Variants in DEPDC5 observed in about 807,000 individuals in gnomAD.
DEPDC5 encodes DEP domain containing 5, GATOR1 subcomplex subunit.
DEPDC5 carries 73 observed loss-of-function variants against 217.3 expected under a neutral mutation model. That is an observed-to-expected ratio of 0.34 (90% CI 0.28 to 0.41). DEPDC5 has a LOEUF of 0.41. DEPDC5 is among the 10% of genes least tolerant of loss of function. DEPDC5 has a pLI of 1.00. For synonymous variants in DEPDC5, 733 were observed against 756.7 expected (o/e 0.97, Z 0.51); for missense variants, 1,675 against 2,070.1 (o/e 0.81, Z 3.70).
At chr22:31,864,526 T>TATATATATATATATATATATATATATA (rs1335760559) in intron 33 of DEPDC5, among the ~76,000 whole-genome samples, 17 of 117,816 alleles carry the variant, frequency 1.4e-4, no homozygotes, top group Non-Finnish European at 2.4e-4. Context: ...ATATATATAT[T>TATATATATATATATATATATATATATA]TATATATTTA....
intron 33 of DEPDC5, among the ~76,000 whole-genome samples, chr22:31,863,317 C>T (rs1463905725): frequency 6.6e-6 from 1 of 152,186 alleles, no homozygotes; most frequent in African/African-American, 2.4e-5. Context: ...CAGGTGTGCA[C>T]CACAACGCCC....
chr22:31,779,453 T>G (rs1369126400), intron 8 of DEPDC5, among the ~76,000 whole-genome samples: 1 of 152,102 alleles, frequency 6.6e-6, no homozygotes, highest in East Asian at 1.9e-4. Flanking sequence ...TTTTCAGAAG[T>G]CAGTGTGGTG....
chr22:31,887,764 G>A (rs1045397674), intron 38 of DEPDC5, among the ~76,000 whole-genome samples: 1 of 152,100 alleles, frequency 6.6e-6, no homozygotes, highest in African/African-American at 2.4e-5. Flanking sequence ...TCCAATAACA[G>A]CTCTCAGCCC....
intron 34 of DEPDC5, among the ~76,000 whole-genome samples, chr22:31,871,131 C>T (rs1039603495): frequency 3.3e-5 from 5 of 152,088 alleles, no homozygotes; most frequent in African/African-American, 1.2e-4. Flanking sequence ...TGTGGCCAAA[C>T]ATGACTGTTC....
chr22:31,759,935 G>A (rs1667181434), intron 3 of DEPDC5, among the ~76,000 whole-genome samples: 1 of 151,974 alleles, frequency 6.6e-6, no homozygotes, highest in Non-Finnish European at 1.5e-5. Context: ...CACCTGCCTT[G>A]GCCTCCCAAA....
intron 40 of DEPDC5, among the ~76,000 whole-genome samples, chr22:31,900,064 T>G (rs147740871): frequency 0.014 from 2,178 of 152,258 alleles, 19 homozygotes; most frequent in Middle Eastern, 0.031. Context: ...TTAGTTTTTT[T>G]GAGATGGAGT....
chr22:31,867,380 G>T (rs2092716805), intron 33 of DEPDC5, among the ~76,000 whole-genome samples: 1 of 152,180 alleles, frequency 6.6e-6, no homozygotes. Flanking sequence ...GGTAGCCAAA[G>T]AAAAGTGGGA....
chr22:31,827,211 G>A (rs181249416), intron 24 of DEPDC5, among the ~76,000 whole-genome samples: 2 of 152,072 alleles, frequency 1.3e-5, no homozygotes, highest in Admixed American at 1.3e-4. Context: ...TTTCAAAGGG[G>A]TTAGTGGCCA....
chr22:31,825,502 A>G (rs983773369), intron 24 of DEPDC5, among the ~76,000 whole-genome samples: 7 of 152,164 alleles, frequency 4.6e-5, no homozygotes, highest in African/African-American at 1.7e-4. Context: ...CTCTCTGCTC[A>G]GATGGCCCCC....
At chr22:31,855,284 T>C (rs2092237015) in intron 31 of DEPDC5, among the ~76,000 whole-genome samples, 6 of 151,650 alleles carry the variant, frequency 4.0e-5, no homozygotes, top group Admixed American at 3.9e-4. Context: ...TTTGAGACAA[T>C]TGAGGAAATA....
chr22:31,853,249 C>G (rs1291899675), intron 31 of DEPDC5: 1 of 152,050 alleles, frequency 6.6e-6, no homozygotes, highest in Non-Finnish European at 1.5e-5. Context: ...TTAGTATGCA[C>G]CAAGGAGCCT....
chr22:31,874,495 G>T, intron 36 of DEPDC5, 90 bp downstream of exon 36: 1 of 1,454,362 alleles, frequency 6.9e-7, no homozygotes. Flanking sequence ...TTCCAGTAAT[G>T]AGATCTGCAG....
chr22:31,758,480 A>T, intron 2 of DEPDC5, 66 bp from the exon 3 acceptor site: 1 of 1,428,748 alleles, frequency 7.0e-7, no homozygotes, highest in Non-Finnish European at 9.9e-7. Context: ...GTGAGGAACC[A>T]GTATGAGAAC....
chr22:31,891,862 C>T (rs756197717), intron 38 of DEPDC5, among the ~76,000 whole-genome samples: 9 of 152,114 alleles, frequency 5.9e-5, no homozygotes, highest in East Asian at 1.9e-4. Context: ...TGCTTCTGAG[C>T]GTATTTTAGG....
chr22:31,758,677 T>G, intron 3 of DEPDC5, 44 bp downstream of exon 3: 4 of 1,560,270 alleles, frequency 2.6e-6, no homozygotes, highest in Non-Finnish European at 3.5e-6. Context: ...ATTCACTGTT[T>G]CCAAATGATG....
intron 40 of DEPDC5, among the ~76,000 whole-genome samples, chr22:31,898,631 A>G (rs1340545585): frequency 6.6e-6 from 1 of 152,198 alleles, no homozygotes; most frequent in Non-Finnish European, 1.5e-5. Flanking sequence ...AGATCTCCCC[A>G]GGTGGATTAG....
chr22:31,761,443 T>C (rs1601605500), intron 4 of DEPDC5, among the ~76,000 whole-genome samples: 1 of 152,074 alleles, frequency 6.6e-6, no homozygotes, highest in Admixed American at 6.6e-5. Context: ...ACTCCATCCA[T>C]GTTGCTGCAG....
At chr22:31,887,872 C>T (rs1242351476) in intron 38 of DEPDC5, among the ~76,000 whole-genome samples, 3 of 151,984 alleles carry the variant, frequency 2.0e-5, no homozygotes, top group African/African-American at 7.3e-5. Context: ...GATCTGTTTT[C>T]TTTAAATTGA....
chr22:31,894,442 G>A (rs966783312), intron 39 of DEPDC5: 7 of 151,962 alleles, frequency 4.6e-5, no homozygotes, highest in Non-Finnish European at 1.0e-4. Context: ...GGGCTGGAGA[G>A]TTTTCTATTA....
Sources: gnomAD v4.1 joint callset for allele counts (sites outside exome capture counted in the v4.1 genomes callset) on GRCh38, gnomAD v4.1.1 for gene constraint, MANE v1.5 for transcripts, NCBI Gene and HGNC (gene_info 2026-07-23, HGNC 2026-07-21) for gene names.